HAS2: variants seen among roughly 807,000 people sequenced by gnomAD.
HAS2 encodes HA synthase 2.
Under a neutral mutation model 51.6 loss-of-function variants are expected in HAS2, and 16 were observed. The observed-to-expected ratio is 0.31, with a 90% CI of 0.21 to 0.47. HAS2 has a LOEUF of 0.47. Among genes scored for constraint, HAS2 ranks in the 20% least tolerant of loss-of-function variants. The probability of loss-of-function intolerance (pLI) is 1.00; values close to 1 mark genes in which losing one functional copy is unlikely to be tolerated. For missense variants in HAS2, 361 were observed against 662.6 expected, an observed-to-expected ratio of 0.54 and a Z score of 5.00; for synonymous variants, 228 against 235.5, an observed-to-expected ratio of 0.97 and a Z score of 0.29.
In HAS2 at chr8:121,641,323, T is replaced by G. The variant is rs1355882255; in HGVS notation, c.-471A>C. On this transcript the variant is annotated 5_prime_UTR_variant, in exon 1 of 4. Transcript: ENST00000303924. ...AGAAAAGTCTTTGGCTGGGGCTGTT[T>G]CAAGTCTCTGGTTCAATGGGCTGCT... The G allele has an allele frequency of 6.7e-6, 1 of 150,090 alleles. No homozygotes were observed. Among genetic ancestry groups the G allele is most frequent in the Non-Finnish European group, 1.5e-5 (1 of 67,728 alleles). The allele number at this position is 150,090 out of a possible 1,614,324, so 9.3% of individuals were successfully genotyped here.
Position 121,628,895 on chromosome 8 carries a change from T to C in HAS2, c.446A>G (p.Lys149Arg). 6.2e-7 allele frequency: 1 copy of C among 1,614,148 alleles called. No individual in the cohort carries two copies. The highest frequency in any genetic ancestry group is 8.5e-7 in the Non-Finnish European group (1 of 1,179,976). Residue 149 changes from lysine to arginine, a missense_variant, in exon 2 of 4, where the codon AAG (lysine) becomes AGG (arginine). By Grantham distance (26) the Lys-to-Arg change is conservative. Coordinates refer to ENST00000303924, the MANE Select transcript of HAS2 (RefSeq NM_005328.3). ...GRDKSATYIW[K>R]NNFHEKGPGE... ...GGGACCCTTTTCGTGGAAGTTGTTC[T>C]TCCAGATATAAGTGGCTGATTTGTC...
At chr8:121,629,419 T>G (rs1386041989) in intron 1 of HAS2, 79 bp from the exon 2 acceptor site, 4 of 1,130,662 alleles carry the variant, frequency 3.5e-6, no homozygotes, top group Non-Finnish European at 5.1e-6. Context: ...ATGGGGAGAG[T>G]ATTGGACTAG....
chr8:121,629,068 G>A lies in HAS2; in HGVS notation c.273C>T (p.Ala91=). 1 of 1,614,098 alleles carries A rather than the reference G, an allele frequency of 6.2e-7. No individual in the cohort carries two copies. Among genetic ancestry groups the A allele is most frequent in the Non-Finnish European group, 8.5e-7 (1 of 1,179,972 alleles). Residue 91 remains alanine, a synonymous_variant, in exon 2 of 4, where the codon GCC becomes GCT. Transcript: ENST00000303924. ...LNKTVALCIA[A]YQEDPDYLRK... Reference sequence around the variant, plus strand: ...TTAAGTAGTCTGGATCTTCTTGATAGGCAGCGATGCAAAGGGCAACTGTTT... The same window carrying A: ...TTAAGTAGTCTGGATCTTCTTGATAAGCAGCGATGCAAAGGGCAACTGTTT...
chr8:121,639,411 G>T (rs1420347840), intron 1 of HAS2: 1 of 152,742 alleles, frequency 6.5e-6, no homozygotes, highest in Admixed American at 6.5e-5. Context: ...GGGAGAGGCT[G>T]ATGGGGCTTC....
At chr8:121,617,537 C>T (rs762589314) in intron 2 of HAS2, among the ~76,000 whole-genome samples, 1 of 152,070 alleles carries the variant, frequency 6.6e-6, no homozygotes, top group Non-Finnish European at 1.5e-5. Flanking sequence ...CCAGGTAACC[C>T]CCAGTCCTGG....
At chr8:121,622,538 T>G (rs966414250) in intron 2 of HAS2, among the ~76,000 whole-genome samples, 1 of 152,048 alleles carries the variant, frequency 6.6e-6, no homozygotes, top group Admixed American at 6.6e-5. Context: ...AATGGCTAGC[T>G]CACAGTAAAT....
intron 2 of HAS2, among the ~76,000 whole-genome samples, chr8:121,617,820 A>G (rs1227362057): frequency 6.6e-6 from 1 of 152,190 alleles, no homozygotes; most frequent in Non-Finnish European, 1.5e-5. Flanking sequence ...TCTAAAGTCC[A>G]TATGACCCGG....
rs537345385 is a variant in HAS2, at chr8:121,625,097, C to CAAA, written c.627+3614_627+3616dup. Among the ~76,000 whole-genome samples the CAAA allele has an allele frequency of 1.5e-3, 86 of 57,556 alleles. No homozygotes were observed. In the South Asian group the frequency reaches 0.028, roughly 19 times the overall value. 37.8% of individuals were successfully genotyped at this position (57,556 alleles called of 152,430 possible). ...TGGGCGAAAGAGCGAGACTCCGTCTCAAAAAAAAAAAAAAAAAAAAAAAGA... is the reference window on the plus strand; with the variant it reads ...TGGGCGAAAGAGCGAGACTCCGTCTCAAAAAAAAAAAAAAAAAAAAAAAAAAGA... On this transcript the variant is annotated intron_variant, in intron 2 of 3. Transcript: ENST00000303924.
At chr8:121,637,922 C>T (rs1210356770) in intron 1 of HAS2, among the ~76,000 whole-genome samples, 1 of 152,174 alleles carries the variant, frequency 6.6e-6, no homozygotes, top group Non-Finnish European at 1.5e-5. Flanking sequence ...TCTGTCCTCT[C>T]ATTACTTTAA....
At chr8:121,619,067 A>G (rs1031404190) in intron 2 of HAS2, among the ~76,000 whole-genome samples, 1 of 152,144 alleles carries the variant, frequency 6.6e-6, no homozygotes, top group East Asian at 1.9e-4. Context: ...GTAACTAAGG[A>G]ATCCCAACAT....
chr8:121,615,607 C>G (rs1905095), intron 3 of HAS2, among the ~76,000 whole-genome samples: 87,926 of 151,884 alleles, frequency 0.58, 26,955 homozygotes, highest in East Asian at 0.84. Context: ...ACAGGCGTGA[C>G]CCACTGCGCC....
At chr8:121,636,983 A>G (rs1813018174) in intron 1 of HAS2, among the ~76,000 whole-genome samples, 1 of 152,198 alleles carries the variant, frequency 6.6e-6, no homozygotes, top group African/African-American at 2.4e-5. Flanking sequence ...TTATTAATTC[A>G]CTTTGAGTGA....
At position 121,613,129 on chromosome 8, in the gene HAS2, T is replaced by A. The variant is rs556758042; in HGVS notation, c.*980A>T. On this transcript the variant is annotated 3_prime_UTR_variant, in exon 4 of 4. Coordinates refer to ENST00000303924, the MANE Select transcript of HAS2 (RefSeq NM_005328.3). ...TGCCAGAATCTCCAAAGATTATTCA[T>A]CTTTGATACCCATGTTTTGTCCAGT... 5.3e-5 allele frequency: 8 copies of A among 152,300 alleles called. No individual in the cohort carries two copies. Among genetic ancestry groups the A allele is most frequent in the Non-Finnish European group, 5.9e-5 (4 of 68,008 alleles). 9.4% of individuals were successfully genotyped at this position (152,300 alleles called of 1,614,324 possible). A position where few individuals can be genotyped will look rare whatever the true frequency, so the allele number is the denominator to read the frequency against.
intron 1 of HAS2, among the ~76,000 whole-genome samples, chr8:121,634,907 C>T (rs1160815010): frequency 6.6e-6 from 1 of 152,098 alleles, no homozygotes; most frequent in East Asian, 1.9e-4. Context: ...TTGTAAGTTG[C>T]AATCTGAGCT....
intron 2 of HAS2, among the ~76,000 whole-genome samples, chr8:121,621,037 C>G (rs889139547): frequency 6.6e-6 from 1 of 152,152 alleles, no homozygotes. Context: ...CACCCTGCAA[C>G]AGCAAAATTG....
At chr8:121,630,495 T>G (rs1812915167) in intron 1 of HAS2, among the ~76,000 whole-genome samples, 1 of 152,202 alleles carries the variant, frequency 6.6e-6, no homozygotes, top group Non-Finnish European at 1.5e-5. Context: ...TTTATTTCAT[T>G]TCTTTCCTCC....
chr8:121,618,387 TG>T (rs948841659), intron 2 of HAS2, among the ~76,000 whole-genome samples: 3 of 152,052 alleles, frequency 2.0e-5, no homozygotes, highest in African/African-American at 7.2e-5. Context: ...TACCTGTTCC[TG>T]GGGGGGTGCC....
At chr8:121,628,689 C>T in intron 2 of HAS2, 25 bp downstream of exon 2, 1 of 1,601,392 alleles carries the variant, frequency 6.2e-7, no homozygotes, top group Non-Finnish European at 8.5e-7. Flanking sequence ...TGTATGTTTG[C>T]CCTGGCAGGA....
chr8:121,619,412 T>G (rs1812746867), intron 2 of HAS2, among the ~76,000 whole-genome samples: 1 of 152,112 alleles, frequency 6.6e-6, no homozygotes, highest in South Asian at 2.1e-4. Flanking sequence ...ATAGCAATTT[T>G]GGGGTTAACT....
Sources: gnomAD v4.1 joint callset for allele counts (sites outside exome capture counted in the v4.1 genomes callset) on GRCh38, gnomAD v4.1.1 for gene constraint, MANE v1.5 for transcripts, NCBI Gene and HGNC (gene_info 2026-07-23, HGNC 2026-07-21) for gene names.